SLC13A1: variants seen among roughly 807,000 people sequenced by gnomAD.
SLC13A1 encodes Na(+)/sulfate cotransporter.
SLC13A1 carries 65 observed loss-of-function variants against 70.0 expected under a neutral mutation model. The ratio of observed to expected loss-of-function variants is 0.93; its 90% CI spans 0.76 to 1.14. SLC13A1 has a LOEUF of 1.14. SLC13A1 is among the 50% of genes most tolerant of loss of function. The pLI is 0.00. For missense variants in SLC13A1, 726 were observed against 717.8 expected (o/e 1.01, Z -0.13); for synonymous variants, 275 against 250.5 (o/e 1.10, Z -0.92).
intron 1 of SLC13A1, among the ~76,000 whole-genome samples, chr7:123,191,338 C>A (rs539254992): frequency 1.8e-4 from 27 of 152,268 alleles, no homozygotes; most frequent in South Asian, 6.2e-4. Context: ...TTTGAGAAAA[C>A]CATTTTCCAG....
At chr7:123,186,758 G>A (rs1177756098) in intron 1 of SLC13A1, 1 of 454,982 alleles carries the variant, frequency 2.2e-6, no homozygotes, top group Middle Eastern at 3.3e-4. Context: ...CTCTGCAACC[G>A]TAACAAGTAA....
intron 7 of SLC13A1, among the ~76,000 whole-genome samples, chr7:123,142,660 G>GAGTCTTACTATATTGCCC (rs140530822): frequency 7.5e-6 from 1 of 132,696 alleles, no homozygotes; most frequent in East Asian, 2.3e-4. Flanking sequence ...TTTTTTGATG[G>GAGTCTTACTATATTGCCC]AGGCTGGAGT....
chr7:123,198,213 C>G (rs1399518636), intron 1 of SLC13A1, among the ~76,000 whole-genome samples: 1 of 151,302 alleles, frequency 6.6e-6, no homozygotes, highest in African/African-American at 2.4e-5. Context: ...GGTGAGAATT[C>G]AGAATAGAGC....
intron 1 of SLC13A1, chr7:123,186,860 G>T: frequency 2.5e-6 from 1 of 399,914 alleles, no homozygotes; most frequent in Non-Finnish European, 5.1e-6. Context: ...CTTTTATCTT[G>T]TTTATTTATC....
chr7:123,190,105 A>G (rs1430658367), intron 1 of SLC13A1, among the ~76,000 whole-genome samples: 1 of 152,170 alleles, frequency 6.6e-6, no homozygotes, highest in African/African-American at 2.4e-5. Flanking sequence ...GTAAATTCCT[A>G]GTATTCTTTC....
chr7:123,166,859 C>T (rs1029259852), intron 6 of SLC13A1, among the ~76,000 whole-genome samples: 2 of 152,148 alleles, frequency 1.3e-5, no homozygotes, highest in Non-Finnish European at 2.9e-5. Context: ...CATACGTGTG[C>T]ATCCCCATCA....
At chr7:123,129,573 C>T (rs13310349) in intron 8 of SLC13A1, 92 bp from the exon 9 acceptor site, 12 of 900,560 alleles carry the variant, frequency 1.3e-5, no homozygotes, top group Admixed American at 9.3e-5. Flanking sequence ...GTCATCTTCA[C>T]GCAATATGAA....
At chr7:123,152,935 A>G (rs572200213) in intron 6 of SLC13A1, among the ~76,000 whole-genome samples, 28 of 152,282 alleles carry the variant, frequency 1.8e-4, no homozygotes, top group African/African-American at 2.9e-4. Flanking sequence ...ATAGTTTACT[A>G]TAGGAAAGAC....
intron 8 of SLC13A1, among the ~76,000 whole-genome samples, chr7:123,129,981 A>G (rs1793700192): frequency 6.6e-6 from 1 of 152,190 alleles, no homozygotes; most frequent in Non-Finnish European, 1.5e-5. Flanking sequence ...CTATCTCTGA[A>G]CACTGCTACC....
At chr7:123,168,618 G>A in intron 4 of SLC13A1, 57 bp from the exon 5 acceptor site, 8 of 1,336,584 alleles carry the variant, frequency 6.0e-6, no homozygotes, top group Non-Finnish European at 8.5e-6. Context: ...CATTGGGTTT[G>A]CCTGTGTGTG....
intron 1 of SLC13A1, among the ~76,000 whole-genome samples, chr7:123,198,772 C>T (rs1414304810): frequency 6.6e-6 from 1 of 151,948 alleles, no homozygotes; most frequent in Non-Finnish European, 1.5e-5. Flanking sequence ...TCGATTAGTA[C>T]TTGTTAGAGG....
At chr7:123,134,294 A>G in intron 8 of SLC13A1, 116 bp downstream of exon 8, 1 of 912,476 alleles carries the variant, frequency 1.1e-6, no homozygotes, top group Non-Finnish European at 1.6e-6. Context: ...TTTGTGAGCA[A>G]CAAAAATGCA....
At chr7:123,169,073 C>T in intron 4 of SLC13A1, 75 bp downstream of exon 4, 1 of 1,374,294 alleles carries the variant, frequency 7.3e-7, no homozygotes, top group Non-Finnish European at 1.0e-6. Context: ...ATTCAAAATA[C>T]AACTTAGAAT....
Position 123,184,081 on chromosome 7 carries a change from G to T in SLC13A1, c.100-2980C>A, listed in dbSNP as rs768939023. ...TTTTCACATCTGAAGAAAACCAAAG[G>T]TCTGGAAAAGGAGGAAGACAGAGTT... On this transcript the variant is annotated intron_variant, in intron 1 of 14. Coordinates refer to ENST00000194130, the MANE Select transcript of SLC13A1 (RefSeq NM_022444.4). Among the ~76,000 whole-genome samples, 74 of 152,164 alleles carry T rather than the reference G, an allele frequency of 4.9e-4. No individual in the cohort carries two copies. In the Middle Eastern group the frequency reaches 0.014, roughly 28 times the overall value.
intron 6 of SLC13A1, among the ~76,000 whole-genome samples, chr7:123,154,044 G>C (rs1341493959): frequency 6.6e-6 from 1 of 151,994 alleles, no homozygotes; most frequent in Admixed American, 6.6e-5. Context: ...CAGGTAGTTA[G>C]AGATTATATG....
chr7:123,187,118 GA>G (rs1795826526), intron 1 of SLC13A1, among the ~76,000 whole-genome samples: 1 of 152,046 alleles, frequency 6.6e-6, no homozygotes, highest in Non-Finnish European at 1.5e-5. Context: ...CAATTGTGTG[GA>G]AACCAGGTGA....
chr7:123,140,451 G>A lies in SLC13A1; in HGVS notation c.813-5922C>T, dbSNP rs1351259703. Among the ~76,000 whole-genome samples, 6 of 151,886 alleles carry A rather than the reference G, an allele frequency of 4.0e-5. 1 individual carries two copies. The highest frequency in any genetic ancestry group is 4.1e-4 in the South Asian group (2 of 4,822). ...ACCAAGGTAATACTGGACTCATAGC[G>A]TTTGAAAGTATTCCCTCCTATATTT... is the stretch of plus-strand genomic sequence containing the variant. On this transcript the variant is annotated intron_variant, in intron 7 of 14. Transcript: ENST00000194130.
At chr7:123,123,367 T>A in intron 11 of SLC13A1, 132 bp from the exon 12 acceptor site, 1 of 603,308 alleles carries the variant, frequency 1.7e-6, no homozygotes, top group Non-Finnish European at 3.0e-6. Context: ...GGGGAATTAA[T>A]CTGGAGTTTG....
rs1225998701 is a variant in SLC13A1 at position 123,181,075 on chromosome 7, A to G, written c.126T>C (p.Phe42=). 10 of 1,612,574 alleles carry G rather than the reference A, an allele frequency of 6.2e-6. No individual in the cohort carries two copies. The highest frequency in any genetic ancestry group is 5.0e-5 in the Admixed American group (3 of 59,858). Residue 42 remains phenylalanine (F), a synonymous_variant, in exon 2 of 15, where the codon TTT becomes TTC. Coordinates refer to ENST00000194130, the MANE Select transcript of SLC13A1 (RefSeq NM_022444.4). ...CTGTGAGCCAAAATGTGGCGACCAC[A>G]AAGAGTGTGTAGGCACATTCTGCTT... ...TKEAECAYTL[F]VVATFWLTEA...
Sources: allele counts gnomAD v4.1 joint callset (sites outside exome capture counted in the v4.1 genomes callset), GRCh38; gene constraint gnomAD v4.1.1; transcripts MANE v1.5; gene names NCBI Gene and HGNC (gene_info 2026-07-23, HGNC 2026-07-21).